Variants in CGGBP1 observed in about 807,000 individuals in gnomAD.
CGGBP1 encodes the protein CGG triplet repeat binding protein 1, also known as CGG triplet repeat-binding protein 1.
In CGGBP1, 4 loss-of-function variants were observed where a neutral mutation model predicts 11.4. The observed-to-expected ratio is 0.35, with a 90% CI of 0.17 to 0.80. CGGBP1 has a LOEUF of 0.80. Ranked by LOEUF, CGGBP1 falls within the 30% of genes least tolerant of loss-of-function variation. The pLI is 0.52. For synonymous variants in CGGBP1, 76 were observed against 74.1 expected (o/e 1.03, Z -0.13); for missense variants, 135 against 202.1 (o/e 0.67, Z 2.01).
Position 88,053,806 on chromosome 3 carries a change from TCTC to T in CGGBP1, c.*1664_*1666del, listed in dbSNP as rs1035647628. On this transcript the variant is annotated 3_prime_UTR_variant, in exon 4 of 4. Transcript: ENST00000482016. ...ACATATGGTTATGTTTTGCTGCTGG[TCTC>T]CTCATACATGTGCTTCATCAACGAG... The T allele has an allele frequency of 1.3e-5, 2 of 152,588 alleles. No homozygotes were observed. Among genetic ancestry groups the T allele is most frequent in the Non-Finnish European group, 2.9e-5 (2 of 67,994 alleles). The allele number at this position is 152,588 out of a possible 1,614,324, so 9.5% of individuals were successfully genotyped here.
At chr3:88,057,952 A>AG (rs1225635895) in intron 2 of CGGBP1, 67 bp downstream of exon 2, 4 of 152,254 alleles carry the variant, frequency 2.6e-5, no homozygotes, top group African/African-American at 7.2e-5. Flanking sequence ...CCAACAAAAG[A>AG]GAAAAAGCAT....
chr3:88,113,060 T>C (rs546779412), intron 2 of CGGBP1: 1 of 1,243,930 alleles, frequency 8.0e-7, no homozygotes, highest in Non-Finnish European at 1.1e-6. Flanking sequence ...TGATAATCTT[T>C]TAATTGGAGC....
At chr3:88,107,401 A>T (rs1704808345) in intron 2 of CGGBP1, among the ~76,000 whole-genome samples, 1 of 152,154 alleles carries the variant, frequency 6.6e-6, no homozygotes, top group South Asian at 2.1e-4. Flanking sequence ...TTTTGTAAAC[A>T]ATCTATATCT....
intron 2 of CGGBP1, among the ~76,000 whole-genome samples, chr3:88,124,256 G>T (rs1451377826): frequency 1.3e-5 from 2 of 152,182 alleles, no homozygotes; most frequent in Non-Finnish European, 2.9e-5. Context: ...AGGTGTTTTA[G>T]TATCCATTTT....
chr3:88,080,695 C>T (rs539815371), intron 2 of CGGBP1, among the ~76,000 whole-genome samples: 2 of 152,186 alleles, frequency 1.3e-5, no homozygotes, highest in Admixed American at 1.3e-4. Context: ...AAGGGCAAAT[C>T]TTGAGGTGCA....
At chr3:88,129,002 A>G in intron 2 of CGGBP1, 1 of 1,532,502 alleles carries the variant, frequency 6.5e-7, no homozygotes, top group Non-Finnish European at 8.7e-7. Flanking sequence ...AAGATCAGCT[A>G]TTCCGGGAGG....
At chr3:88,095,870 C>A in intron 2 of CGGBP1, 1 of 451,596 alleles carries the variant, frequency 2.2e-6, no homozygotes, top group South Asian at 1.7e-5. Context: ...GCAGATACTC[C>A]ACTTGCCACT....
chr3:88,095,506 A>C (rs1160466785), intron 2 of CGGBP1: 1 of 470,504 alleles, frequency 2.1e-6, no homozygotes, highest in Admixed American at 2.5e-5. Context: ...ATTTGTAGAC[A>C]GTTCACATTA....
chr3:88,059,339 A>AC, upstream of CGGBP1: 1 of 1,534,442 alleles, frequency 6.5e-7, no homozygotes, highest in Non-Finnish European at 8.7e-7. Flanking sequence ...GAAGAGAGCG[A>AC]CCAAGAGGCC....
chr3:88,082,129 A>AT lies in CGGBP1; in HGVS notation c.-228-23907dup, dbSNP rs780949287. Among the ~76,000 whole-genome samples, 793 of 141,672 alleles carry AT rather than the reference A, an allele frequency of 5.6e-3. 2 individuals are homozygous for AT. The highest frequency in any genetic ancestry group is 0.011 in the African/African-American group (440 of 38,716). 92.9% of individuals were successfully genotyped at this position (141,672 alleles called of 152,430 possible). ...GACACGTCTTCTGGTTTGTTAATCA[A>AT]TTTTTTTTTTTTTTTTGAGATGGAG... On this transcript the variant is annotated intron_variant, in intron 2 of 3. Transcript: ENST00000462901.
chr3:88,102,871 G>T (rs1435459418), intron 2 of CGGBP1, among the ~76,000 whole-genome samples: 8 of 131,350 alleles, frequency 6.1e-5, no homozygotes, highest in Non-Finnish European at 1.2e-4. Flanking sequence ...GATTCTGAGA[G>T]TATGTATGCC....
intron 2 of CGGBP1, among the ~76,000 whole-genome samples, chr3:88,100,483 A>G (rs1704345992): frequency 1.3e-5 from 2 of 152,190 alleles, no homozygotes; most frequent in South Asian, 4.1e-4. Flanking sequence ...GTATATACCC[A>G]GAGGATTATA....
At chr3:88,137,836 G>A (rs1706889537) in intron 2 of CGGBP1, among the ~76,000 whole-genome samples, 1 of 152,032 alleles carries the variant, frequency 6.6e-6, no homozygotes, top group South Asian at 2.1e-4. Flanking sequence ...AAAACGTGAG[G>A]CTGGCAAGGT....
intron 2 of CGGBP1, among the ~76,000 whole-genome samples, chr3:88,099,381 T>G (rs7635996): frequency 6.6e-6 from 1 of 152,074 alleles, no homozygotes; most frequent in Non-Finnish European, 1.5e-5. Flanking sequence ...GAATCAATAT[T>G]GTGAAAACGG....
At chr3:88,102,433 A>T (rs1395314024) in intron 2 of CGGBP1, among the ~76,000 whole-genome samples, 3 of 152,112 alleles carry the variant, frequency 2.0e-5, no homozygotes, top group African/African-American at 7.2e-5. Context: ...ATAATGTCAA[A>T]TTTGCTGTTA....
intron 2 of CGGBP1, chr3:88,139,857 ACT>A (rs1707012257): frequency 6.3e-7 from 1 of 1,598,088 alleles, no homozygotes; most frequent in African/African-American, 1.3e-5. Context: ...AATCAATGGA[ACT>A]GTGTGCCATC....
At chr3:88,116,685 G>T (rs1220957533) in intron 2 of CGGBP1, among the ~76,000 whole-genome samples, 2 of 151,620 alleles carry the variant, frequency 1.3e-5, no homozygotes, top group African/African-American at 2.4e-5. Flanking sequence ...AGAGAATGAG[G>T]GTATGATCCA....
chr3:88,117,812 G>A (rs1705501451), intron 2 of CGGBP1, among the ~76,000 whole-genome samples: 1 of 152,178 alleles, frequency 6.6e-6, no homozygotes, highest in South Asian at 2.1e-4. Context: ...TAACTACAGG[G>A]TGGTGACATT....
At chr3:88,106,196 T>C (rs1704727046) in intron 2 of CGGBP1, among the ~76,000 whole-genome samples, 1 of 152,236 alleles carries the variant, frequency 6.6e-6, no homozygotes, top group African/African-American at 2.4e-5. Flanking sequence ...GAAGCCCATC[T>C]GTGTTTGATT....
Sources: gnomAD v4.1 joint callset for allele counts (sites outside exome capture counted in the v4.1 genomes callset) on GRCh38, gnomAD v4.1.1 for gene constraint, MANE v1.5 for transcripts, NCBI Gene and HGNC (gene_info 2026-07-23, HGNC 2026-07-21) for gene names.